The following MBD5 variants were observed in gnomAD, a reference collection of about 807,000 sequenced individuals.
MBD5 encodes methyl-CpG-binding domain protein 5.
In MBD5, 13 loss-of-function variants were observed where a neutral mutation model predicts 117.3. The ratio of observed to expected loss-of-function variants is 0.11; its 90% CI spans 0.07 to 0.18. The LOEUF (loss-of-function observed/expected upper bound fraction) is 0.18. Ranked by LOEUF, MBD5 falls within the 10% of genes least tolerant of loss-of-function variation. The pLI is 1.00. For synonymous variants in MBD5, 727 were observed against 766.4 expected (o/e 0.95, Z 0.85); for missense variants, 1,879 against 2,093.8 (o/e 0.90, Z 2.00).
intron 4 of MBD5, among the ~76,000 whole-genome samples, chr2:148,417,288 C>CTTTTTTTTTTTTTTTTTT (rs745409695): frequency 2.2e-5 from 2 of 91,804 alleles, no homozygotes; most frequent in African/African-American, 4.5e-5. Flanking sequence ...ATGCACAGCT[C>CTTTTTTTTTTTTTTTTTT]TTTTTTTTTT....
At chr2:148,361,920 G>C (rs7606618) in intron 4 of MBD5, among the ~76,000 whole-genome samples, 5 of 152,032 alleles carry the variant, frequency 3.3e-5, no homozygotes, top group African/African-American at 1.2e-4. Context: ...AGGGAAGACA[G>C]GAGAGACTGT....
In MBD5 at chr2:148,410,917, G is replaced by A. The variant is rs547559562; in HGVS notation, c.-556-47286G>A. Among the ~76,000 whole-genome samples the A allele has an allele frequency of 2.0e-3, 304 of 151,680 alleles. 2 individuals are homozygous for A. Among genetic ancestry groups the A allele is most frequent in the South Asian group, 5.3e-3 (25 of 4,712 alleles). On this transcript the variant is annotated intron_variant, in intron 4 of 13. Transcript: ENST00000642680. ...TGCAGGTTTGTTATATAGGTAAATT[G>A]CATGTTACAGGGAGTTGGTGTACAG...
At chr2:148,075,065 A>G (rs1329622667) in intron 1 of MBD5, among the ~76,000 whole-genome samples, 2 of 152,116 alleles carry the variant, frequency 1.3e-5, no homozygotes, top group African/African-American at 4.8e-5. Flanking sequence ...AGCAGCAGTA[A>G]TAGAGATGCA....
At chr2:148,076,268 A>C (rs1485813577) in intron 1 of MBD5, among the ~76,000 whole-genome samples, 1 of 152,166 alleles carries the variant, frequency 6.6e-6, no homozygotes, top group Non-Finnish European at 1.5e-5. Flanking sequence ...ATTGGTTTTA[A>C]AAAAGGCTCC....
intron 1 of MBD5, chr2:148,071,833 A>C (rs1020093718): frequency 7.2e-5 from 11 of 152,204 alleles, no homozygotes; most frequent in African/African-American, 2.7e-4. Flanking sequence ...TGAAAATAGA[A>C]TAAGAATTTA....
At chr2:148,146,595 A>G (rs1028940062) in intron 1 of MBD5, among the ~76,000 whole-genome samples, 1 of 152,012 alleles carries the variant, frequency 6.6e-6, no homozygotes, top group Non-Finnish European at 1.5e-5. Flanking sequence ...TCTTTAATTT[A>G]TACTATTTGA....
intron 1 of MBD5, among the ~76,000 whole-genome samples, chr2:148,151,658 G>T (rs1025535179): frequency 1.3e-4 from 20 of 152,012 alleles, no homozygotes; most frequent in Admixed American, 1.2e-3. Context: ...CTTCTTCCTG[G>T]TTTAGTCTTG....
At position 148,483,090 on chromosome 2, in the gene MBD5, T is replaced by C; in HGVS notation, c.2519-20T>C. ...CATGATTAATAACTGGGTTTTGTGT[T>C]TTTTTTTTTTTCATTTTAGGCGGTT... On this transcript the variant is annotated intron_variant, in intron 8 of 13. Transcript: ENST00000642680. 1 of 529,650 alleles carries C rather than the reference T, an allele frequency of 1.9e-6. No homozygotes were observed. The highest frequency in any genetic ancestry group is 4.2e-5 in the South Asian group (1 of 23,696). 32.8% of individuals were successfully genotyped at this position (529,650 alleles called of 1,614,324 possible).
chr2:148,138,539 G>C (rs967920842), intron 1 of MBD5, among the ~76,000 whole-genome samples: 3 of 152,124 alleles, frequency 2.0e-5, no homozygotes, highest in Non-Finnish European at 2.9e-5. Flanking sequence ...ATGTCACCTC[G>C]GGAAAGATAA....
chr2:148,327,818 G>T (rs982923835), intron 3 of MBD5, among the ~76,000 whole-genome samples: 2 of 151,998 alleles, frequency 1.3e-5, no homozygotes, highest in African/African-American at 4.8e-5. Context: ...TAATTTGATC[G>T]TCTGAAGCCT....
At chr2:148,195,060 C>G (rs1038366510) in intron 2 of MBD5, among the ~76,000 whole-genome samples, 21 of 152,044 alleles carry the variant, frequency 1.4e-4, no homozygotes, top group African/African-American at 4.6e-4. Context: ...AAAATGTAAA[C>G]AAGTAGGTAT....
At chr2:148,132,331 C>CATAT (rs59188623) in intron 1 of MBD5, among the ~76,000 whole-genome samples, 385 of 144,616 alleles carry the variant, frequency 2.7e-3, no homozygotes, top group Non-Finnish European at 4.3e-3. Context: ...TATATATATA[C>CATAT]ATATATATAT....
intron 3 of MBD5, among the ~76,000 whole-genome samples, chr2:148,341,948 A>G (rs1702959438): frequency 6.6e-6 from 1 of 152,018 alleles, no homozygotes. Flanking sequence ...TACTATTTTT[A>G]TCAATAATTT....
chr2:148,368,423 A>G (rs1423520965), intron 4 of MBD5, among the ~76,000 whole-genome samples: 2 of 152,170 alleles, frequency 1.3e-5, no homozygotes, highest in African/African-American at 4.8e-5. Context: ...GTGTATACCT[A>G]TGTAACAATC....
chr2:148,356,346 T>C (rs1293687624), intron 4 of MBD5, among the ~76,000 whole-genome samples: 1 of 152,074 alleles, frequency 6.6e-6, no homozygotes, highest in African/African-American at 2.4e-5. Context: ...TTTGCTCTGG[T>C]TTCCTTATTT....
chr2:148,300,491 A>G (rs1485916726), intron 3 of MBD5, among the ~76,000 whole-genome samples: 4 of 152,140 alleles, frequency 2.6e-5, no homozygotes, highest in Admixed American at 6.5e-5. Context: ...CTTAACAAAA[A>G]GAAGAAAGAA....
chr2:148,086,142 C>G (rs566408221), intron 1 of MBD5, among the ~76,000 whole-genome samples: 2 of 151,700 alleles, frequency 1.3e-5, no homozygotes, highest in South Asian at 2.1e-4. Flanking sequence ...TATAGCCTTT[C>G]TAAAATTAAA....
chr2:148,155,347 G>A (rs1220457188), intron 1 of MBD5, among the ~76,000 whole-genome samples: 1 of 152,196 alleles, frequency 6.6e-6, no homozygotes, highest in Non-Finnish European at 1.5e-5. Flanking sequence ...GGCATTTTGG[G>A]AAAATGATGA....
At chr2:148,033,345 G>C (rs1436163900) in intron 1 of MBD5, among the ~76,000 whole-genome samples, 23 of 152,080 alleles carry the variant, frequency 1.5e-4, no homozygotes, top group Non-Finnish European at 1.5e-5. Flanking sequence ...TACTATTTTA[G>C]GCCATAATGT....
Sources: allele counts gnomAD v4.1 joint callset (sites outside exome capture counted in the v4.1 genomes callset), GRCh38; gene constraint gnomAD v4.1.1; transcripts MANE v1.5; gene names NCBI Gene and HGNC (gene_info 2026-07-23, HGNC 2026-07-21).